Variants in NECTIN3 observed in about 807,000 individuals in gnomAD.
NECTIN3 encodes nectin cell adhesion molecule 3.
NECTIN3 carries 8 observed loss-of-function variants against 49.4 expected under a neutral mutation model. That is an observed-to-expected ratio of 0.16 (90% CI 0.10 to 0.29). NECTIN3 has a LOEUF of 0.29. NECTIN3 is among the 10% of genes least tolerant of loss of function. The pLI, the probability that NECTIN3 is intolerant of heterozygous loss-of-function variation, is 1.00. For synonymous variants in NECTIN3, 277 were observed against 241.1 expected, an observed-to-expected ratio of 1.15 and a Z score of -1.38; for missense variants, 581 against 654.6, an observed-to-expected ratio of 0.89 and a Z score of 1.23.
In NECTIN3 at chr3:111,134,835, G is replaced by T. The variant is rs900585425; in HGVS notation, c.*620G>T. On this transcript the variant is annotated 3_prime_UTR_variant, in exon 6 of 6. Transcript: ENST00000485303. ...AATTACTGTAGAGTGGCTTTTCAAAGATATTTTGTTGCACTAAAACTGTGG... is the reference window on the plus strand; with the variant it reads ...AATTACTGTAGAGTGGCTTTTCAAATATATTTTGTTGCACTAAAACTGTGG... 6.0e-5 allele frequency: 59 copies of T among 982,190 alleles called. No individual in the cohort carries two copies. Among genetic ancestry groups the T allele is most frequent in the Non-Finnish European group, 7.1e-5 (59 of 827,258 alleles). The allele number at this position is 982,190 out of a possible 1,614,324, so 60.8% of individuals were successfully genotyped here. A position where few individuals can be genotyped will look rare whatever the true frequency, so the allele number is the denominator to read the frequency against.
chr3:111,163,890 A>G (rs867482378), intron 7 of NECTIN3, among the ~76,000 whole-genome samples: 1 of 152,084 alleles, frequency 6.6e-6, no homozygotes, highest in South Asian at 2.1e-4. Flanking sequence ...AGATCTATAA[A>G]GTAAATGCAG....
At chr3:111,178,692 T>C (rs1426780340) in intron 7 of NECTIN3, among the ~76,000 whole-genome samples, 4 of 152,222 alleles carry the variant, frequency 2.6e-5, no homozygotes, top group African/African-American at 9.6e-5. Flanking sequence ...TCTCCTCACT[T>C]ATATGCCATC....
intron 1 of NECTIN3, among the ~76,000 whole-genome samples, chr3:111,084,827 G>T (rs937363537): frequency 2.1e-4 from 32 of 152,258 alleles, no homozygotes; most frequent in African/African-American, 7.5e-4. Context: ...ATTGATGTAG[G>T]AATTAGATGT....
chr3:111,123,369 ATCTT>A (rs1271963514), intron 4 of NECTIN3, among the ~76,000 whole-genome samples: 3 of 151,700 alleles, frequency 2.0e-5, no homozygotes, highest in Non-Finnish European at 4.4e-5. Flanking sequence ...ATATTTCTTA[ATCTT>A]GTTGGTTGTT....
chr3:111,089,471 T>G (rs1325880418), intron 1 of NECTIN3, among the ~76,000 whole-genome samples: 1 of 148,650 alleles, frequency 6.7e-6, no homozygotes, highest in Non-Finnish European at 1.5e-5. Flanking sequence ...ATATGTAATT[T>G]TTTTTCCTTT....
At chr3:111,150,920 C>T (rs201925215) in intron 7 of NECTIN3, among the ~76,000 whole-genome samples, 2 of 151,790 alleles carry the variant, frequency 1.3e-5, no homozygotes, top group East Asian at 3.8e-4. Flanking sequence ...AAATGAATAA[C>T]ATGATAAATA....
At chr3:111,169,181 G>A (rs192267069) in intron 7 of NECTIN3, among the ~76,000 whole-genome samples, 321 of 138,704 alleles carry the variant, frequency 2.3e-3, no homozygotes, top group Non-Finnish European at 3.8e-3. Flanking sequence ...GCTCCACCTC[G>A]TGGGTTCACG....
chr3:111,091,220 A>G (rs982743985), intron 1 of NECTIN3, among the ~76,000 whole-genome samples: 1 of 152,128 alleles, frequency 6.6e-6, no homozygotes, highest in Non-Finnish European at 1.5e-5. Flanking sequence ...ATTAAATGCT[A>G]CCATAAAATG....
chr3:111,112,682 C>T (rs1423223952), intron 2 of NECTIN3, among the ~76,000 whole-genome samples: 2 of 151,830 alleles, frequency 1.3e-5, no homozygotes, highest in East Asian at 3.9e-4. Context: ...TCATTACCTC[C>T]CCTCAAATTT....
chr3:111,092,491 G>A (rs2032326360), intron 1 of NECTIN3, among the ~76,000 whole-genome samples: 1 of 152,104 alleles, frequency 6.6e-6, no homozygotes, highest in South Asian at 2.1e-4. Flanking sequence ...CAAGGAAAGA[G>A]TCTAACATCA....
chr3:111,119,850 T>C (rs569584980), intron 3 of NECTIN3, among the ~76,000 whole-genome samples: 1 of 152,300 alleles, frequency 6.6e-6, no homozygotes, highest in East Asian at 1.9e-4. Flanking sequence ...CTAGGTGTTT[T>C]TGAGGGAGTT....
chr3:111,089,536 T>TC (rs2107386935), intron 1 of NECTIN3, among the ~76,000 whole-genome samples: 1 of 152,262 alleles, frequency 6.6e-6, no homozygotes, highest in South Asian at 2.1e-4. Context: ...TTTTGAAATT[T>TC]CCGTGTCGTC....
intron 2 of NECTIN3, among the ~76,000 whole-genome samples, chr3:111,113,238 G>A (rs2033548374): frequency 6.6e-6 from 1 of 152,166 alleles, no homozygotes; most frequent in Non-Finnish European, 1.5e-5. Context: ...ATAGTGGTGT[G>A]AAGAGTTTTA....
chr3:111,149,893 A>C (rs2034964190), intron 7 of NECTIN3, among the ~76,000 whole-genome samples: 1 of 151,974 alleles, frequency 6.6e-6, no homozygotes, highest in Admixed American at 6.6e-5. Context: ...CTTGCATTAA[A>C]ATTTTTGAAA....
chr3:111,091,749 T>C (rs1559771432), intron 1 of NECTIN3, among the ~76,000 whole-genome samples: 1 of 152,264 alleles, frequency 6.6e-6, no homozygotes, highest in African/African-American at 2.4e-5. Context: ...TTATAAATAA[T>C]GCTGCTGTAA....
chr3:111,107,551 C>T (rs1576109997), intron 1 of NECTIN3, among the ~76,000 whole-genome samples: 1 of 152,148 alleles, frequency 6.6e-6, no homozygotes, highest in East Asian at 1.9e-4. Flanking sequence ...ATTTGCTATT[C>T]CTTTGCCTCT....
intron 7 of NECTIN3, among the ~76,000 whole-genome samples, chr3:111,169,818 AG>A (rs2035400583): frequency 6.6e-6 from 1 of 152,246 alleles, no homozygotes; most frequent in Admixed American, 6.5e-5. Flanking sequence ...TGAATCCCTT[AG>A]AAGTGAAAAC....
At chr3:111,142,370 G>T (rs2034768185), downstream of NECTIN3, among the ~76,000 whole-genome samples, 1 of 151,742 alleles carries the variant, frequency 6.6e-6, no homozygotes, top group Admixed American at 6.6e-5. Flanking sequence ...CTACAAAGAG[G>T]TATGGGAGAA....
intron 1 of NECTIN3, among the ~76,000 whole-genome samples, chr3:111,097,147 A>G (rs1214966304): frequency 1.3e-5 from 2 of 152,234 alleles, no homozygotes; most frequent in Non-Finnish European, 1.5e-5. Context: ...CATCTGTTGT[A>G]TCAGCGTGAC....
Sources: gnomAD v4.1 joint callset for allele counts (sites outside exome capture counted in the v4.1 genomes callset) on GRCh38, gnomAD v4.1.1 for gene constraint, MANE v1.5 for transcripts, NCBI Gene and HGNC (gene_info 2026-07-23, HGNC 2026-07-21) for gene names.